Variants in ZKSCAN5 observed in about 807,000 individuals in gnomAD.
ZKSCAN5 encodes the protein zinc finger with KRAB and SCAN domains 5, also known as zinc finger protein with KRAB and SCAN domains 5.
ZKSCAN5 carries 28 observed loss-of-function variants against 60.0 expected under a neutral mutation model. The observed-to-expected ratio is 0.47, with a 90% CI of 0.35 to 0.64. ZKSCAN5 has a LOEUF of 0.64. ZKSCAN5 is among the 30% of genes least tolerant of loss of function. The pLI, the probability that ZKSCAN5 is intolerant of heterozygous loss-of-function variation, is 0.01. For synonymous variants in ZKSCAN5, 361 were observed against 371.2 expected, an observed-to-expected ratio of 0.97 and a Z score of 0.31; for missense variants, 881 against 1,034.6, an observed-to-expected ratio of 0.85 and a Z score of 2.04.
At position 99,526,165 on chromosome 7, in the gene ZKSCAN5, G is replaced by C; in HGVS notation, c.1125G>C (p.Lys375Asn). ...TCCACACTGGAGAAAAACCGTTTAA[G>C]TGCGGAGAATGTGGGAAGAGCTACA... ...RRIHTGEKPF[K>N]CGECGKSYNQ... The change falls in exon 6 of 7, where the codon AAG becomes AAC. Residue 375 changes from lysine to asparagine, a missense_variant. Lys to Asn is a moderately conservative substitution (Grantham distance 94, BLOSUM62 0). Coordinates refer to ENST00000326775, the MANE Select transcript of ZKSCAN5 (RefSeq NM_145102.4). The C allele has an allele frequency of 2.5e-6, 4 of 1,614,206 alleles. No individual in the cohort carries two copies. The highest frequency in any genetic ancestry group is 2.5e-6 in the Non-Finnish European group (3 of 1,180,038).
At chr7:99,517,126 C>T (rs560184653) in intron 3 of ZKSCAN5, among the ~76,000 whole-genome samples, 4 of 152,124 alleles carry the variant, frequency 2.6e-5, no homozygotes, top group Admixed American at 1.3e-4. Context: ...AGTGCAATGG[C>T]GTGATCTCAG....
chr7:99,525,091 G>A (rs1462465572), intron 5 of ZKSCAN5, among the ~76,000 whole-genome samples: 4 of 151,764 alleles, frequency 2.6e-5, no homozygotes, highest in South Asian at 2.1e-4. Flanking sequence ...ACTTGAACCC[G>A]GGAGGCAGAG....
At chr7:99,511,677 A>G (rs1361651235) in intron 2 of ZKSCAN5, among the ~76,000 whole-genome samples, 1 of 151,762 alleles carries the variant, frequency 6.6e-6, no homozygotes, top group African/African-American at 2.4e-5. Flanking sequence ...TCCTGGGCTC[A>G]AGCGATCCTC....
chr7:99,511,547 A>T (rs1047447942), intron 2 of ZKSCAN5, among the ~76,000 whole-genome samples: 1 of 151,566 alleles, frequency 6.6e-6, no homozygotes, highest in Non-Finnish European at 1.5e-5. Context: ...GGCTCAAGCG[A>T]TCCTCGCACC....
rs1468782408 is a variant in ZKSCAN5, at chr7:99,520,206, T to C, written c.674T>C (p.Val225Ala). 1.1e-5 allele frequency: 17 copies of C among 1,613,960 alleles called. No homozygotes were observed. Among genetic ancestry groups the C allele is most frequent in the Non-Finnish European group, 1.4e-5 (17 of 1,180,010 alleles). Residue 225 changes from valine (V) to alanine (A), a missense_variant, in exon 5 of 7, where the codon GTA (valine) becomes GCA (alanine). Physicochemically the swap from Val to Ala is moderately conservative, Grantham distance 64. This residue lies in a region of ZKSCAN5 where 490 missense variants were observed against 554.5 expected (regional missense o/e 0.88). Coordinates refer to ENST00000326775, the MANE Select transcript of ZKSCAN5 (RefSeq NM_145102.4). ...ATTGAAGAGGTGGCTGATGTGGCTGTATCCTTCATCCTGGAGGAATGGGGG... is the reference window on the plus strand; with the variant it reads ...ATTGAAGAGGTGGCTGATGTGGCTGCATCCTTCATCCTGGAGGAATGGGGG... ...VKIEEVADVA[V>A]SFILEEWGHL...
chr7:99,510,736 G>T (rs191210632), intron 2 of ZKSCAN5, among the ~76,000 whole-genome samples: 8 of 151,874 alleles, frequency 5.3e-5, no homozygotes, highest in Admixed American at 2.0e-4. Flanking sequence ...GAGCCACTGC[G>T]CCTGGCCTAT....
Position 99,506,304 on chromosome 7 carries a change from A to G in ZKSCAN5, c.260A>G (p.Glu87Gly). ...CTGAGGCCCGAGCTGCACACGAAGG[A>G]GCAGATCCTGGAGCTGCTGGTGCTG... ...EWLRPELHTK[E>G]QILELLVLEQ... The change falls in exon 2 of 7, where the codon GAG becomes GGG. Residue 87 changes from glutamate to glycine, a missense_variant. By Grantham distance (98) the Glu-to-Gly change is moderately conservative (BLOSUM62 -2). Coordinates refer to ENST00000326775, the MANE Select transcript of ZKSCAN5 (RefSeq NM_145102.4). 9 of 1,614,178 alleles carry G rather than the reference A, an allele frequency of 5.6e-6. No homozygotes were observed. Among genetic ancestry groups the G allele is most frequent in the Non-Finnish European group, 7.6e-6 (9 of 1,180,030 alleles).
In ZKSCAN5 at chr7:99,525,887, C is replaced by T; in HGVS notation, c.847C>T (p.Pro283Ser). 6.2e-7 allele frequency: 1 copy of T among 1,614,002 alleles called. No homozygotes were observed. Among genetic ancestry groups the T allele is most frequent in the Non-Finnish European group, 8.5e-7 (1 of 1,180,024 alleles). The part of the protein sequence containing the change: ...SDDSESHWVA[P>S]EHTERSVPQD... ...TGACTCTGAATCACACTGGGTGGCG[C>T]CAGAACACACCGAAAGGAGCGTTCC... The change falls in exon 6 of 7, where the codon CCA becomes TCA. Residue 283 changes from proline to serine, a missense_variant. Coordinates refer to ENST00000326775, the MANE Select transcript of ZKSCAN5 (RefSeq NM_145102.4).
chr7:99,531,056 C>T, intron 6 of ZKSCAN5, 52 bp from the exon 7 acceptor site: 1 of 1,158,932 alleles, frequency 8.6e-7, no homozygotes, highest in Non-Finnish European at 1.2e-6. Context: ...GACCCCATCT[C>T]AAAAAAAAAA....
At chr7:99,516,795 C>G (rs1386886789) in intron 3 of ZKSCAN5, among the ~76,000 whole-genome samples, 1 of 151,766 alleles carries the variant, frequency 6.6e-6, no homozygotes, top group Admixed American at 6.6e-5. Context: ...TGGGAAAAGG[C>G]TTTGCTGCTG....
intron 5 of ZKSCAN5, 77 bp downstream of exon 5, chr7:99,520,381 A>C: frequency 6.8e-7 from 1 of 1,477,398 alleles, no homozygotes; most frequent in Non-Finnish European, 9.0e-7. Context: ...GGCTCATCTT[A>C]TAATGGCATT....
chr7:99,530,760 A>G (rs1399718166), intron 6 of ZKSCAN5, among the ~76,000 whole-genome samples: 1 of 152,096 alleles, frequency 6.6e-6, no homozygotes, highest in East Asian at 1.9e-4. Context: ...TTTTTCCTTT[A>G]TAAAAGAACT....
intron 5 of ZKSCAN5, among the ~76,000 whole-genome samples, chr7:99,521,563 C>T (rs1228315993): frequency 1.3e-5 from 2 of 152,148 alleles, no homozygotes; most frequent in African/African-American, 4.8e-5. Context: ...TTAGTTCACT[C>T]ACAAGCTTTT....
chr7:99,531,218 G>A lies in ZKSCAN5; in HGVS notation c.1489G>A (p.Val497Ile), dbSNP rs1802026850. 6.2e-7 allele frequency: 1 copy of A among 1,614,028 alleles called. No homozygotes were observed. Among genetic ancestry groups the A allele is most frequent in the Non-Finnish European group, 8.5e-7 (1 of 1,180,036 alleles). The stretch of plus-strand genomic sequence containing the variant: ...AAAAACCCAAAGAAATGTTTCTCAA[G>A]TTCAAGATTTTGGAGAAGGCTGTGA... ...SGKTQRNVSQ[V>I]QDFGEGCEFQ... is the part of the protein sequence containing the mutation. Residue 497 changes from valine to isoleucine, a missense_variant, in exon 7 of 7, where the codon GTT (valine) becomes ATT (isoleucine). Around this residue, in one of 5 missense-constraint regions of ZKSCAN5, gnomAD observed 490 missense variants for 554.5 expected, o/e 0.88. Transcript: ENST00000326775.
Position 99,533,021 on chromosome 7 carries a change from G to A in ZKSCAN5, c.*772G>A. Reference sequence around the variant, plus strand: ...TTACGGCGAAGGGAGAGGGACCTTAGGGGAGCAGAGAAGACAGGCAAAGTT... The same window carrying A: ...TTACGGCGAAGGGAGAGGGACCTTAAGGGAGCAGAGAAGACAGGCAAAGTT... On this transcript the variant is annotated 3_prime_UTR_variant, in exon 7 of 7. Coordinates refer to ENST00000326775, the MANE Select transcript of ZKSCAN5 (RefSeq NM_145102.4). 8.9e-6 allele frequency: 2 copies of A among 223,988 alleles called. 1 individual carries two copies. Among genetic ancestry groups the A allele is most frequent in the South Asian group, 1.2e-4 (2 of 16,750 alleles). 13.9% of individuals were successfully genotyped at this position (223,988 alleles called of 1,614,324 possible).
Position 99,531,290 on chromosome 7 carries a change from A to T in ZKSCAN5, c.1561A>T (p.Ile521Leu). Residue 521 changes from isoleucine (I) to leucine (L), a missense_variant, in exon 7 of 7, where the codon ATA becomes TTA. Physicochemically the swap from Ile to Leu is conservative, Grantham distance 5 (BLOSUM62 2). Around this residue, in one of 5 missense-constraint regions of ZKSCAN5, gnomAD observed 490 missense variants for 554.5 expected, o/e 0.88. Transcript: ENST00000326775. Reference protein sequence around the residue: ...DRKQGIPMKEILGQPSSKRMN... With the variant: ...DRKQGIPMKELLGQPSSKRMN... ...AAAGCAGGGAATTCCCATGAAAGAGATACTAGGACAACCATCTTCAAAGAG... is the reference window on the plus strand; with the variant it reads ...AAAGCAGGGAATTCCCATGAAAGAGTTACTAGGACAACCATCTTCAAAGAG... 1 of 1,614,180 alleles carries T rather than the reference A, an allele frequency of 6.2e-7. No individual in the cohort carries two copies. Among genetic ancestry groups the T allele is most frequent in the Non-Finnish European group, 8.5e-7 (1 of 1,180,032 alleles).
At chr7:99,519,974 CT>C in intron 4 of ZKSCAN5, 65 bp downstream of exon 4, 1 of 1,585,912 alleles carries the variant, frequency 6.3e-7, no homozygotes, top group South Asian at 1.1e-5. Flanking sequence ...AGTTCTGTTT[CT>C]TTAGCCAGTG....
chr7:99,506,484 C>G (rs1351627142), intron 2 of ZKSCAN5, 26 bp downstream of exon 2: 1 of 1,584,660 alleles, frequency 6.3e-7, no homozygotes, highest in Non-Finnish European at 8.6e-7. Context: ...GCTATATGAG[C>G]AATGAAGGAG....
rs745860034 is a variant in ZKSCAN5 at position 99,531,492 on chromosome 7, A to G, written c.1763A>G (p.Gln588Arg). 1.2e-6 allele frequency: 2 copies of G among 1,614,220 alleles called. No homozygotes were observed. The highest frequency in any genetic ancestry group is 2.2e-5 in the South Asian group (2 of 91,086). Residue 588 changes from glutamine to arginine, a missense_variant, in exon 7 of 7, where the codon CAA becomes CGA. This residue lies in a region of ZKSCAN5 where 112 missense variants were observed against 182.4 expected (regional missense o/e 0.61). Transcript: ENST00000326775. ...RCEECGKSYN[Q>R]RVHLTQHQRV... ...GAGGAATGTGGGAAAAGCTACAACC[A>G]ACGCGTGCACCTAACTCAGCATCAG...
Sources: gnomAD v4.1 joint callset for allele counts (sites outside exome capture counted in the v4.1 genomes callset) on GRCh38, gnomAD v4.1.1 for gene constraint, gnomAD v4.1.1 regional missense constraint, MANE v1.5 for transcripts, NCBI Gene and HGNC (gene_info 2026-07-23, HGNC 2026-07-21) for gene names.